The following GEMIN7 variants were observed in gnomAD, a reference collection of about 807,000 sequenced individuals.
GEMIN7 encodes the protein gem nuclear organelle associated protein 7, also known as gem-associated protein 7.
A neutral mutation model predicts 7.8 loss-of-function variants in GEMIN7; 7 were observed. The ratio of observed to expected loss-of-function variants is 0.90; its 90% confidence interval spans 0.51 to 1.69. The LOEUF is 1.69. Among genes scored for constraint, GEMIN7 ranks in the 40% most tolerant of loss-of-function variants. The pLI, the probability that GEMIN7 is intolerant of heterozygous loss-of-function variation, is 0.00. For missense variants in GEMIN7, 159 were observed against 176.2 expected (o/e 0.90, Z 0.55); for synonymous variants, 68 against 72.4 (o/e 0.94, Z 0.31).
At chr19:45,076,313 G>C, upstream of GEMIN7, 2 of 1,422,960 alleles carry the variant, frequency 1.4e-6, no homozygotes. The surrounding 1 kb of genome is among the most constrained non-coding windows in gnomAD (Gnocchi z 4.9). Context: ...TCGTCGTCTG[G>C]GTTGGCGGCG....
chr19:45,080,168 G>A (rs1233341897), intron 2 of GEMIN7, 139 bp downstream of exon 2: 1 of 152,148 alleles, frequency 6.6e-6, no homozygotes, highest in Non-Finnish European at 1.5e-5. Flanking sequence ...GAGACTGAAA[G>A]GATAAAGGCC....
At chr19:45,075,945 T>G (rs1967338811), upstream of GEMIN7, 3 of 1,589,592 alleles carry the variant, frequency 1.9e-6, no homozygotes, top group African/African-American at 2.7e-5. Flanking sequence ...AAACCGAAGG[T>G]CAGAAGGGGG....
chr19:45,084,812 A>G (rs745314281), intron 2 of GEMIN7, among the ~76,000 whole-genome samples: 1 of 152,190 alleles, frequency 6.6e-6, no homozygotes, highest in Non-Finnish European at 1.5e-5. Context: ...CTGGAGCGCA[A>G]TGGCGCAGTC....
At chr19:45,076,062 C>G (rs1476443654), upstream of GEMIN7, 11 of 1,578,702 alleles carry the variant, frequency 7.0e-6, no homozygotes, top group East Asian at 2.5e-4. This position sits in a 1 kb window ranked among gnomAD's most constrained non-coding sequence, Gnocchi z 4.9. Flanking sequence ...GGGCCCAGGG[C>G]CCGGGGTGCT....
intron 2 of GEMIN7, among the ~76,000 whole-genome samples, chr19:45,081,091 C>T (rs1446281379): frequency 1.3e-5 from 2 of 152,126 alleles, no homozygotes; most frequent in Non-Finnish European, 2.9e-5. Context: ...ATCTTGAGTC[C>T]AGGAGTTCAA....
intron 2 of GEMIN7, among the ~76,000 whole-genome samples, chr19:45,086,297 A>G (rs1422219357): frequency 1.3e-5 from 2 of 152,172 alleles, no homozygotes; most frequent in Middle Eastern, 3.4e-3. Context: ...GACAATTTCA[A>G]TCACCTCCCT....
rs1480393371 is a variant in GEMIN7, at chr19:45,090,178, AGCCGTGGCTTTGCCCCT to A, written c.66_82del (p.Ser22ArgfsTer13). ...GCTGCCCCGGGGCCCTGATGGCTTCAGCCGTGGCTTTGCCCCTGATGGACGCAGAGCCCCCTTGAGGC... is the reference window on the plus strand; with the variant it reads ...GCTGCCCCGGGGCCCTGATGGCTTCAGATGGACGCAGAGCCCCCTTGAGGC... On this transcript the variant is annotated frameshift_variant, in exon 3 of 3. Transcript: ENST00000270257. LOFTEE classifies it high-confidence loss of function. The A allele has an allele frequency of 6.2e-7, 1 of 1,614,182 alleles. No individual in the cohort carries two copies. The highest frequency in any genetic ancestry group is 1.7e-5 in the Admixed American group (1 of 60,036).
At chr19:45,076,398 G>GGGCGGGCA (rs1347557846), upstream of GEMIN7, 5 of 1,244,928 alleles carry the variant, frequency 4.0e-6, no homozygotes, top group Non-Finnish European at 5.0e-6. This position sits in a 1 kb window ranked among gnomAD's most constrained non-coding sequence, Gnocchi z 4.9. Context: ...GCGAGCGAGC[G>GGGCGGGCA]GGCGGGCAGG....
intron 2 of GEMIN7, among the ~76,000 whole-genome samples, chr19:45,086,233 G>A (rs550182131): frequency 3.0e-4 from 46 of 151,844 alleles, no homozygotes; most frequent in African/African-American, 1.0e-3. Flanking sequence ...ACTGCACTCC[G>A]GCCTGGGTGA....
chr19:45,083,799 A>C (rs562861706), intron 2 of GEMIN7, among the ~76,000 whole-genome samples: 2 of 151,352 alleles, frequency 1.3e-5, no homozygotes, highest in Non-Finnish European at 2.9e-5. Flanking sequence ...AGATTTTGCT[A>C]TGTTGCCCAA....
intron 2 of GEMIN7, among the ~76,000 whole-genome samples, chr19:45,080,904 A>G (rs1478660441): frequency 6.6e-6 from 1 of 151,880 alleles, no homozygotes; most frequent in Non-Finnish European, 1.5e-5. Context: ...CTCACCCTAG[A>G]GACTAGGGGG....
chr19:45,090,293 C>G lies in GEMIN7; in HGVS notation c.179C>G (p.Ala60Gly). 6.2e-7 allele frequency: 1 copy of G among 1,614,168 alleles called. No homozygotes were observed. Among genetic ancestry groups the G allele is most frequent in the Non-Finnish European group, 8.5e-7 (1 of 1,180,018 alleles). ...SLESQEQRAR[A>G]ALRERYLRSL... Reference sequence around the variant, plus strand: ...GAATCCCAGGAGCAGCGGGCACGAGCCGCCCTTCGGGAGCGTTACCTCCGC... The same window carrying G: ...GAATCCCAGGAGCAGCGGGCACGAGGCGCCCTTCGGGAGCGTTACCTCCGC... Residue 60 changes from alanine (A) to glycine (G), a missense_variant, in exon 3 of 3, where the codon GCC becomes GGC. By Grantham distance (60) the Ala-to-Gly change is moderately conservative. Transcript: ENST00000270257.
At chr19:45,082,833 C>G (rs539512077) in intron 2 of GEMIN7, among the ~76,000 whole-genome samples, 1 of 146,220 alleles carries the variant, frequency 6.8e-6, no homozygotes, top group East Asian at 2.0e-4. Flanking sequence ...ATTGCTCAGG[C>G]TGGTCTTGAA....
chr19:45,076,168 G>A (rs1418692854), upstream of GEMIN7: 6 of 1,522,736 alleles, frequency 3.9e-6, no homozygotes, highest in Non-Finnish European at 5.3e-6. This position sits in a 1 kb window ranked among gnomAD's most constrained non-coding sequence, Gnocchi z 4.9. Context: ...GGGGCCAGGG[G>A]AGTGGTGGGG....
At chr19:45,080,560 G>C (rs979781391) in intron 2 of GEMIN7, among the ~76,000 whole-genome samples, 1 of 151,760 alleles carries the variant, frequency 6.6e-6, no homozygotes, top group African/African-American at 2.4e-5. Context: ...TGTATTTTTA[G>C]TAGAGATAGG....
chr19:45,081,936 CAT>C lies in GEMIN7; in HGVS notation c.-9+1909_-9+1910del, dbSNP rs1219736445. Among the ~76,000 whole-genome samples the C allele has an allele frequency of 2.0e-5, 3 of 152,128 alleles. No homozygotes were observed. In the South Asian group the frequency reaches 6.2e-4, roughly 32 times the overall value. On this transcript the variant is annotated intron_variant, in intron 2 of 2. Coordinates refer to ENST00000270257, the MANE Select transcript of GEMIN7 (RefSeq NM_024707.3). Reference sequence around the variant, plus strand: ...CTGCGCCCAGCCTCGACCTTTCAAACATAGCCTAATCTGACCACTTCTCCCCA... The same window carrying C: ...CTGCGCCCAGCCTCGACCTTTCAAACAGCCTAATCTGACCACTTCTCCCCA...
Position 45,090,473 on chromosome 19 carries a change from G to A in GEMIN7, c.359G>A (p.Arg120Gln), listed in dbSNP as rs763042171. 15 of 1,612,798 alleles carry A rather than the reference G, an allele frequency of 9.3e-6. No individual in the cohort carries two copies. The highest frequency in any genetic ancestry group is 1.3e-5 in the Non-Finnish European group (15 of 1,179,164). ...GGTGTGCAAGCAGAGGCGCTGCTCCGATGTAGTGACATTATTTCATATACC... is the reference window on the plus strand; with the variant it reads ...GGTGTGCAAGCAGAGGCGCTGCTCCAATGTAGTGACATTATTTCATATACC... ...PIGVQAEALL[R>Q]CSDIISYTFK... Residue 120 changes from arginine (R) to glutamine (Q), a missense_variant, in exon 3 of 3, where the codon CGA becomes CAA. Arg to Gln is a conservative substitution (Grantham distance 43). Transcript: ENST00000270257.
At chr19:45,077,531 A>C (rs1483464654), upstream of GEMIN7, among the ~76,000 whole-genome samples, 2 of 151,876 alleles carry the variant, frequency 1.3e-5, no homozygotes, top group African/African-American at 4.8e-5. Flanking sequence ...TCCCCCACCC[A>C]ATGCAAGCCC....
chr19:45,080,236 A>C (rs2122649282), intron 2 of GEMIN7, among the ~76,000 whole-genome samples: 1 of 152,202 alleles, frequency 6.6e-6, no homozygotes, highest in South Asian at 2.1e-4. Context: ...TCCTGGGCAC[A>C]CCCTGTGTGA....
Sources: allele counts gnomAD v4.1 joint callset (sites outside exome capture counted in the v4.1 genomes callset), GRCh38; gene constraint gnomAD v4.1.1; non-coding constraint Gnocchi (gnomAD v3.1); transcripts MANE v1.5; gene names NCBI Gene and HGNC (gene_info 2026-07-23, HGNC 2026-07-21).